The following ANKRD28 variants were observed in gnomAD, a reference collection of about 807,000 sequenced individuals.
ANKRD28 encodes ankyrin repeat domain 28.
Under a neutral mutation model 126.5 loss-of-function variants are expected in ANKRD28, and 44 were observed. That is an observed-to-expected ratio of 0.35 (90% CI 0.27 to 0.45). The LOEUF (loss-of-function observed/expected upper bound fraction) is 0.45, where lower values mean the gene tolerates loss of function less well. ANKRD28 is among the 20% of genes least tolerant of loss of function. The probability of loss-of-function intolerance (pLI) is 1.00; values close to 1 mark genes in which losing one functional copy is unlikely to be tolerated. For synonymous variants in ANKRD28, 442 were observed against 468.5 expected (o/e 0.94, Z 0.73); for missense variants, 1,110 against 1,316.6 (o/e 0.84, Z 2.43).
intron 4 of ANKRD28, among the ~76,000 whole-genome samples, chr3:15,749,455 C>A (rs1177748971): frequency 1.3e-5 from 2 of 152,146 alleles, no homozygotes; most frequent in East Asian, 1.9e-4. Flanking sequence ...TCTGGTGTCT[C>A]CTTAATTAGC....
chr3:15,714,678 T>C (rs748793612), intron 8 of ANKRD28, 22 bp from the exon 9 acceptor site: 1 of 1,527,912 alleles, frequency 6.5e-7, no homozygotes, highest in Non-Finnish European at 8.9e-7. Context: ...AGAAAAAAAT[T>C]ACTCACTCTA....
intron 1 of ANKRD28, among the ~76,000 whole-genome samples, chr3:15,826,454 A>C (rs969905805): frequency 2.0e-5 from 3 of 152,210 alleles, no homozygotes; most frequent in Non-Finnish European, 2.9e-5. Context: ...CATAACAGTA[A>C]TATTATACTG....
At chr3:15,685,655 A>G (rs2068024212) in intron 20 of ANKRD28, among the ~76,000 whole-genome samples, 1 of 152,194 alleles carries the variant, frequency 6.6e-6, no homozygotes, top group Non-Finnish European at 1.5e-5. Context: ...AAATAGTATG[A>G]AAACAGGAAG....
chr3:15,850,438 G>A (rs906167278), intron 1 of ANKRD28, among the ~76,000 whole-genome samples: 2 of 152,000 alleles, frequency 1.3e-5, no homozygotes, highest in African/African-American at 4.8e-5. Flanking sequence ...TCACAGTTGT[G>A]GAGAGTACTA....
chr3:15,694,719 G>A lies in ANKRD28; in HGVS notation c.1761+20C>T. ...CAGTAAACCAGCAGCCATCAAGTCG[G>A]CTATGAAGGCAGTACTCACAGCCAA... On this transcript the variant is annotated intron_variant, in intron 17 of 27. Coordinates refer to ENST00000683139, the MANE Select transcript of ANKRD28 (RefSeq NM_001349278.2). The A allele has an allele frequency of 1.9e-6, 3 of 1,607,502 alleles. No individual in the cohort carries two copies. Among genetic ancestry groups the A allele is most frequent in the Non-Finnish European group, 2.6e-6 (3 of 1,174,374 alleles).
intron 3 of ANKRD28, among the ~76,000 whole-genome samples, chr3:15,761,505 C>T (rs140040135): frequency 6.6e-6 from 1 of 152,228 alleles, no homozygotes; most frequent in East Asian, 1.9e-4. Flanking sequence ...AGAAATCAGT[C>T]AGTTTAACTT....
At position 15,709,695 on chromosome 3, in the gene ANKRD28, T is replaced by C. The variant is rs757026370; in HGVS notation, c.1379A>G (p.Asp460Gly). 10 of 1,584,564 alleles carry C rather than the reference T, an allele frequency of 6.3e-6. No individual in the cohort carries two copies. The highest frequency in any genetic ancestry group is 8.6e-6 in the Non-Finnish European group (10 of 1,163,516). The change falls in exon 13 of 28, where the codon GAC becomes GGC. Residue 460 changes from aspartate (D) to glycine (G), a missense_variant. Transcript: ENST00000683139. The stretch of plus-strand genomic sequence containing the variant: ...CCCAAATTTGTCCTTTTTATTAAAG[T>C]CTGCACCAGTATTCAGCAGAAGGTT... ...CLNLLLNTGA[D>G]FNKKDKFGRS...
At chr3:15,802,616 A>T (rs1342047398), upstream of ANKRD28, among the ~76,000 whole-genome samples, 2 of 152,224 alleles carry the variant, frequency 1.3e-5, no homozygotes, top group African/African-American at 4.8e-5. Flanking sequence ...ATTGTACTAG[A>T]AACAATAATC....
At chr3:15,787,813 C>T (rs2059846850) in intron 2 of ANKRD28, among the ~76,000 whole-genome samples, 1 of 152,142 alleles carries the variant, frequency 6.6e-6, no homozygotes, top group African/African-American at 2.4e-5. Context: ...CTGAGCACTT[C>T]ATGTGAAAAA....
At chr3:15,749,420 T>A (rs1033818441) in intron 4 of ANKRD28, among the ~76,000 whole-genome samples, 13 of 152,230 alleles carry the variant, frequency 8.5e-5, no homozygotes, top group African/African-American at 2.7e-4. Context: ...CCTATGTTTT[T>A]AATTTAAGTT....
intron 6 of ANKRD28, among the ~76,000 whole-genome samples, chr3:15,726,752 T>A (rs754144250): frequency 6.6e-6 from 1 of 152,230 alleles, no homozygotes; most frequent in Non-Finnish European, 1.5e-5. Flanking sequence ...GAAGATGCCA[T>A]CAAGGACTTT....
chr3:15,731,848 CAAAAAAAAAA>C (rs397934004), intron 6 of ANKRD28: 2 of 4,522 alleles, frequency 4.4e-4, no homozygotes, highest in African/African-American at 1.3e-3. Context: ...GAAACTGTCT[CAAAAAAAAAA>C]AAAAAAAAAA....
chr3:15,829,673 A>C (rs2061148007), intron 1 of ANKRD28, among the ~76,000 whole-genome samples: 1 of 152,180 alleles, frequency 6.6e-6, no homozygotes, highest in East Asian at 1.9e-4. Flanking sequence ...ATATTTATTA[A>C]TATTACTACC....
At chr3:15,818,137 C>A (rs1447110160) in intron 1 of ANKRD28, among the ~76,000 whole-genome samples, 1 of 152,052 alleles carries the variant, frequency 6.6e-6, no homozygotes, top group Non-Finnish European at 1.5e-5. Context: ...AGGAGCTCCC[C>A]CGTTATCCAC....
chr3:15,859,342 G>C lies in ANKRD28; in HGVS notation c.27+35C>G, dbSNP rs560709934. The C allele has an allele frequency of 9.9e-6, 15 of 1,521,068 alleles. No individual in the cohort carries two copies. In the South Asian group the frequency reaches 1.7e-4, roughly 17 times the overall value. The allele number at this position is 1,521,068 out of a possible 1,614,324, so 94.2% of individuals were successfully genotyped here. On this transcript the variant is annotated intron_variant, in intron 1 of 27. Coordinates refer to the ANKRD28 transcript ENST00000399451. ...TCCGCCCTGCTTCCCTTCCTTCCCGGACGGCGCGATCCCGCCCTGCAGCCC... is the reference window on the plus strand; with the variant it reads ...TCCGCCCTGCTTCCCTTCCTTCCCGCACGGCGCGATCCCGCCCTGCAGCCC...
At position 15,699,396 on chromosome 3, in the gene ANKRD28, TCTAATTAAAC is replaced by T; in HGVS notation, c.1548-3161_1548-3152del. Among the ~76,000 whole-genome samples, 3 of 152,028 alleles carry T rather than the reference TCTAATTAAAC, an allele frequency of 2.0e-5. No homozygotes were observed. The East Asian group carries it at 5.8e-4, about 29-fold the overall frequency. ...CAGAAGCCAAAATAGACAAATGGGA[TCTAATTAAAC>T]TAAAGAGCTTCTGCACAGCAAAAGA... On this transcript the variant is annotated intron_variant, in intron 14 of 27. Transcript: ENST00000683139.
chr3:15,761,291 C>T (rs564601968), intron 3 of ANKRD28, among the ~76,000 whole-genome samples: 15 of 152,240 alleles, frequency 9.9e-5, no homozygotes, highest in Non-Finnish European at 1.8e-4. Context: ...GAAGTGTAAA[C>T]ACCTACACTA....
chr3:15,778,550 T>C (rs919014804), intron 2 of ANKRD28, among the ~76,000 whole-genome samples: 3 of 152,196 alleles, frequency 2.0e-5, no homozygotes, highest in Admixed American at 6.5e-5. Context: ...CCTGAGTTCT[T>C]ACCATATGGC....
Position 15,766,315 on chromosome 3 carries a change from G to A in ANKRD28, c.202-3C>T. 1 of 1,604,472 alleles carries A rather than the reference G, an allele frequency of 6.2e-7. No individual in the cohort carries two copies. Among genetic ancestry groups the A allele is most frequent in the Non-Finnish European group, 8.5e-7 (1 of 1,173,996 alleles). On this transcript the variant is annotated splice_polypyrimidine_tract_variant and splice_region_variant and intron_variant, in intron 2 of 27. Coordinates refer to ENST00000683139, the MANE Select transcript of ANKRD28 (RefSeq NM_001349278.2). ...AATGGGGTTCGCTTTTCATTGTCCTGTGATAATAAGGAAAGGTGGGAAATA... is the reference window on the plus strand; with the variant it reads ...AATGGGGTTCGCTTTTCATTGTCCTATGATAATAAGGAAAGGTGGGAAATA...
Sources: allele counts gnomAD v4.1 joint callset (sites outside exome capture counted in the v4.1 genomes callset), GRCh38; gene constraint gnomAD v4.1.1; transcripts MANE v1.5; gene names NCBI Gene and HGNC (gene_info 2026-07-23, HGNC 2026-07-21).